The following SLIT3 variants were observed in gnomAD, a reference collection of about 807,000 sequenced individuals.
SLIT3 encodes the protein slit homolog 3 protein.
SLIT3 carries 68 observed loss-of-function variants against 184.0 expected under a neutral mutation model. That is an observed-to-expected ratio of 0.37 (90% CI 0.30 to 0.45). The LOEUF (loss-of-function observed/expected upper bound fraction) is 0.45. Ranked by LOEUF, SLIT3 falls within the 20% of genes least tolerant of loss-of-function variation. The pLI, the probability that SLIT3 is intolerant of heterozygous loss-of-function variation, is 1.00. For synonymous variants in SLIT3, 831 were observed against 828.6 expected, an observed-to-expected ratio of 1.00 and a Z score of -0.05; for missense variants, 1,707 against 2,026.0, an observed-to-expected ratio of 0.84 and a Z score of 3.02.
intron 33 of SLIT3, 28 bp from the exon 34 acceptor site, chr5:168,671,511 C>T: frequency 6.3e-7 from 1 of 1,591,246 alleles, no homozygotes; most frequent in South Asian, 1.1e-5. Flanking sequence ...GGACAGTGGC[C>T]TGAAGACCCT....
At chr5:169,171,380 GC>G (rs1340877639) in intron 4 of SLIT3, among the ~76,000 whole-genome samples, 1 of 152,360 alleles carries the variant, frequency 6.6e-6, no homozygotes, top group East Asian at 1.9e-4. Context: ...ATGGTCTTGA[GC>G]AAAAGTGTAG....
chr5:168,905,760 T>C (rs1478098129), intron 4 of SLIT3, among the ~76,000 whole-genome samples: 1 of 152,214 alleles, frequency 6.6e-6, no homozygotes, highest in Non-Finnish European at 1.5e-5. Context: ...AGCGTTTCCT[T>C]GGAGGAGCCT....
chr5:169,118,210 G>A (rs1321331874), intron 4 of SLIT3, among the ~76,000 whole-genome samples: 1 of 152,166 alleles, frequency 6.6e-6, no homozygotes, highest in East Asian at 1.9e-4. Context: ...TTTTTGAAAT[G>A]TGCACATTTG....
intron 4 of SLIT3, among the ~76,000 whole-genome samples, chr5:169,052,537 C>T (rs368155541): frequency 2.6e-5 from 4 of 152,030 alleles, no homozygotes; most frequent in Non-Finnish European, 5.9e-5. Flanking sequence ...TTAAAGGCAG[C>T]GAGGCCACGT....
chr5:169,186,471 GT>G (rs2113454140), intron 4 of SLIT3, among the ~76,000 whole-genome samples: 1 of 152,262 alleles, frequency 6.6e-6, no homozygotes, highest in South Asian at 2.1e-4. Flanking sequence ...TTTTGTGATG[GT>G]AGCTGAGCAA....
At chr5:168,974,521 T>G (rs1754685298) in intron 4 of SLIT3, among the ~76,000 whole-genome samples, 1 of 152,198 alleles carries the variant, frequency 6.6e-6, no homozygotes, top group Non-Finnish European at 1.5e-5. Context: ...ACTGCACAGA[T>G]TTTCATATCA....
intron 4 of SLIT3, among the ~76,000 whole-genome samples, chr5:168,890,594 T>C (rs962579957): frequency 6.6e-6 from 1 of 152,254 alleles, no homozygotes; most frequent in Non-Finnish European, 1.5e-5. Context: ...CTTTCATTTA[T>C]GTCTTTATCT....
intron 4 of SLIT3, among the ~76,000 whole-genome samples, chr5:169,101,955 G>A (rs773601150): frequency 2.0e-5 from 3 of 152,164 alleles, no homozygotes; most frequent in South Asian, 2.1e-4. Flanking sequence ...AGAGATCCTG[G>A]CCTTTCCCAG....
At chr5:168,892,468 C>G (rs989526801) in intron 4 of SLIT3, among the ~76,000 whole-genome samples, 1 of 152,174 alleles carries the variant, frequency 6.6e-6, no homozygotes, top group African/African-American at 2.4e-5. Context: ...ATGTTGGAAC[C>G]AATCTAAGGA....
At chr5:168,826,722 T>A (rs1431964174) in intron 6 of SLIT3, among the ~76,000 whole-genome samples, 1 of 152,230 alleles carries the variant, frequency 6.6e-6, no homozygotes, top group Admixed American at 6.5e-5. Flanking sequence ...GAGCTTATTA[T>A]ATGCCAGACG....
intron 11 of SLIT3, among the ~76,000 whole-genome samples, chr5:168,786,568 A>G (rs1201520196): frequency 6.6e-6 from 1 of 151,992 alleles, no homozygotes; most frequent in Non-Finnish European, 1.5e-5. Flanking sequence ...TTTACTTTCT[A>G]TCCGCTTTTC....
intron 5 of SLIT3, among the ~76,000 whole-genome samples, chr5:168,865,541 A>T (rs1688996471): frequency 6.6e-6 from 1 of 152,244 alleles, no homozygotes; most frequent in Non-Finnish European, 1.5e-5. Flanking sequence ...GCAAAACTAC[A>T]GTGACAGAAA....
intron 11 of SLIT3, among the ~76,000 whole-genome samples, chr5:168,787,288 G>C (rs959528714): frequency 1.3e-5 from 2 of 152,208 alleles, no homozygotes; most frequent in African/African-American, 4.8e-5. Flanking sequence ...AAGCCACGGG[G>C]CTTGGGGCAA....
At chr5:169,122,026 G>A (rs1201089251) in intron 4 of SLIT3, among the ~76,000 whole-genome samples, 1 of 152,208 alleles carries the variant, frequency 6.6e-6, no homozygotes, top group African/African-American at 2.4e-5. Context: ...TCCCCCAAAT[G>A]TAGGGGCAAC....
chr5:168,752,694 C>T, intron 18 of SLIT3: 1 of 463,610 alleles, frequency 2.2e-6, no homozygotes, highest in Non-Finnish European at 3.9e-6. Context: ...CATGCCTGGC[C>T]TTCCAGCTTG....
At chr5:169,159,483 AG>A in intron 4 of SLIT3, among the ~76,000 whole-genome samples, 1 of 150,536 alleles carries the variant, frequency 6.6e-6, no homozygotes, top group African/African-American at 2.4e-5. Context: ...TTTTTTAAAA[AG>A]CATGACCCAG....
chr5:169,072,835 C>T (rs930403910), intron 4 of SLIT3, among the ~76,000 whole-genome samples: 4 of 152,186 alleles, frequency 2.6e-5, no homozygotes, highest in African/African-American at 4.8e-5. Flanking sequence ...TTTAGTCACT[C>T]TCAGTCTCCA....
intron 1 of SLIT3, among the ~76,000 whole-genome samples, chr5:169,291,536 G>A (rs928318702): frequency 1.4e-4 from 21 of 152,016 alleles, no homozygotes; most frequent in Admixed American, 4.6e-4. Flanking sequence ...CCATTTCTAC[G>A]CACAGGGATC....
At chr5:169,236,221 ATTCT>A (rs1271147348) in intron 3 of SLIT3, among the ~76,000 whole-genome samples, 1 of 152,140 alleles carries the variant, frequency 6.6e-6, no homozygotes, top group African/African-American at 2.4e-5. Context: ...GCCACTAAGA[ATTCT>A]TTGTTTGCTT....
Sources: allele counts gnomAD v4.1 joint callset (sites outside exome capture counted in the v4.1 genomes callset), GRCh38; gene constraint gnomAD v4.1.1; transcripts MANE v1.5; gene names NCBI Gene and HGNC (gene_info 2026-07-23, HGNC 2026-07-21).